The following HDAC9 variants were observed in gnomAD, a reference collection of about 807,000 sequenced individuals.
HDAC9 encodes MEF-2 interacting transcription repressor (MITR) protein.
A neutral mutation model predicts 139.4 loss-of-function variants in HDAC9; 41 were observed. The observed-to-expected ratio is 0.29, with a 90% CI of 0.23 to 0.38. HDAC9 has a LOEUF of 0.38. Among genes scored for constraint, HDAC9 ranks in the 10% least tolerant of loss-of-function variants. HDAC9 has a pLI of 1.00. For synonymous variants in HDAC9, 517 were observed against 476.2 expected (o/e 1.09, Z -1.12); for missense variants, 1,147 against 1,297.0 (o/e 0.88, Z 1.78).
chr7:18,635,859 G>C (rs1283296590), intron 8 of HDAC9, among the ~76,000 whole-genome samples: 1 of 152,032 alleles, frequency 6.6e-6, no homozygotes, highest in Non-Finnish European at 1.5e-5. Flanking sequence ...TCACTTCACT[G>C]TCTCCTGAGG....
intron 11 of HDAC9, among the ~76,000 whole-genome samples, chr7:18,653,822 C>T (rs1790167398): frequency 1.3e-5 from 2 of 152,084 alleles, no homozygotes; most frequent in Non-Finnish European, 2.9e-5. Context: ...TGAGTAGTAT[C>T]TGTATTATTC....
chr7:18,597,423 CTT>C (rs1207666823), intron 6 of HDAC9, among the ~76,000 whole-genome samples: 1 of 152,066 alleles, frequency 6.6e-6, no homozygotes, highest in Non-Finnish European at 1.5e-5. Context: ...TAAACTTATA[CTT>C]TGGCTGAAAA....
chr7:18,823,422 C>A (rs1795135095), intron 17 of HDAC9, among the ~76,000 whole-genome samples: 1 of 152,154 alleles, frequency 6.6e-6, no homozygotes, highest in Non-Finnish European at 1.5e-5. Context: ...TGAATTTAGA[C>A]AAGTCATGTG....
chr7:18,590,795 G>A (rs1437661557), intron 4 of HDAC9, among the ~76,000 whole-genome samples: 8 of 152,104 alleles, frequency 5.3e-5, no homozygotes, highest in African/African-American at 1.2e-4. Flanking sequence ...TTAATAATCA[G>A]CTTGTATCCA....
Position 18,793,359 on chromosome 7 carries a change from C to G in HDAC9, c.2229C>G (p.Thr743=), listed in dbSNP as rs1021943465. ...PCGGLGVDSD[T]IWNELHSSGA... ...TGTTTGCTCAGGTGGACAGTGACAC[C>G]ATTTGGAATGAGCTACACTCGTCCG... is the stretch of plus-strand genomic sequence containing the variant. Residue 743 remains threonine (T), a synonymous_variant, in exon 17 of 26, where the codon ACC becomes ACG. Transcript: ENST00000686413. 1 of 1,576,004 alleles carries G rather than the reference C, an allele frequency of 6.3e-7. No homozygotes were observed. The highest frequency in any genetic ancestry group is 8.6e-7 in the Non-Finnish European group (1 of 1,160,382).
chr7:18,216,722 T>C (rs1792341112), intron 2 of HDAC9, among the ~76,000 whole-genome samples: 1 of 152,200 alleles, frequency 6.6e-6, no homozygotes, highest in Non-Finnish European at 1.5e-5. Flanking sequence ...TTTAATATGC[T>C]GTTGGGTTTG....
intron 6 of HDAC9, among the ~76,000 whole-genome samples, chr7:18,596,187 A>G (rs1333241149): frequency 1.3e-5 from 2 of 152,122 alleles, no homozygotes; most frequent in African/African-American, 4.8e-5. Flanking sequence ...GTAAAACCAA[A>G]CATTTTCAAG....
chr7:18,804,713 A>G (rs1029935904), intron 17 of HDAC9, among the ~76,000 whole-genome samples: 27 of 152,242 alleles, frequency 1.8e-4, no homozygotes, highest in African/African-American at 6.5e-4. Flanking sequence ...TAAAACAGCC[A>G]AAGAAGACTG....
intron 21 of HDAC9, among the ~76,000 whole-genome samples, chr7:18,858,648 A>G (rs1255322862): frequency 6.6e-6 from 1 of 152,176 alleles, no homozygotes; most frequent in Non-Finnish European, 1.5e-5. Flanking sequence ...AATTGCTTTC[A>G]TGCTAATCCA....
chr7:18,400,396 A>G (rs916532647), intron 1 of HDAC9, among the ~76,000 whole-genome samples: 10 of 152,186 alleles, frequency 6.6e-5, no homozygotes, highest in Admixed American at 5.9e-4. Flanking sequence ...ATGTTTTACT[A>G]CAATACTGAA....
chr7:18,991,098 A>G (rs1358885456), intron 25 of HDAC9, among the ~76,000 whole-genome samples: 4 of 152,170 alleles, frequency 2.6e-5, no homozygotes, highest in African/African-American at 9.7e-5. Context: ...GCAAATTCTT[A>G]TTTTGTTCTT....
intron 25 of HDAC9, among the ~76,000 whole-genome samples, chr7:18,981,358 G>A (rs1033846415): frequency 1.3e-5 from 2 of 152,196 alleles, no homozygotes; most frequent in Non-Finnish European, 2.9e-5. Context: ...GGATCACAAA[G>A]CTGCCTTGTA....
chr7:18,935,427 C>T (rs962684166), intron 22 of HDAC9, among the ~76,000 whole-genome samples: 3 of 151,856 alleles, frequency 2.0e-5, no homozygotes, highest in African/African-American at 4.8e-5. Context: ...TAATAAAGGC[C>T]ATTGATAGCG....
At chr7:18,156,377 TG>T (rs1198763417) in intron 1 of HDAC9, among the ~76,000 whole-genome samples, 2 of 152,330 alleles carry the variant, frequency 1.3e-5, no homozygotes, top group South Asian at 2.1e-4. Context: ...CCATCCCACC[TG>T]GGTTTGCCCT....
At chr7:18,732,518 CTG>C (rs1015433381) in intron 13 of HDAC9, among the ~76,000 whole-genome samples, 10 of 143,684 alleles carry the variant, frequency 7.0e-5, no homozygotes, top group Admixed American at 6.3e-4. Context: ...CATATATACA[CTG>C]TATGTATGTG....
intron 1 of HDAC9, 25 bp downstream of exon 1, chr7:18,496,048 A>G (rs553860088): frequency 1.4e-6 from 2 of 1,439,382 alleles, no homozygotes; most frequent in Non-Finnish European, 1.8e-6. Flanking sequence ...AAAAGTGTCC[A>G]GGTCTTTTTA....
chr7:18,250,285 G>T (rs1794836342), intron 2 of HDAC9, among the ~76,000 whole-genome samples: 1 of 152,192 alleles, frequency 6.6e-6, no homozygotes, highest in Middle Eastern at 3.2e-3. Flanking sequence ...ACAGAAATTA[G>T]TGTCTCAGTA....
intron 25 of HDAC9, among the ~76,000 whole-genome samples, chr7:18,983,904 G>C (rs558524179): frequency 6.6e-6 from 1 of 152,090 alleles, no homozygotes; most frequent in East Asian, 1.9e-4. Context: ...TGTTTATCCT[G>C]TCCTCTACCT....
chr7:18,311,196 T>C (rs952760349), intron 1 of HDAC9, among the ~76,000 whole-genome samples: 5 of 152,108 alleles, frequency 3.3e-5, no homozygotes, highest in African/African-American at 9.7e-5. Context: ...AACAGTGTTC[T>C]AAGTATTTTA....
Sources: gnomAD v4.1 joint callset for allele counts (sites outside exome capture counted in the v4.1 genomes callset) on GRCh38, gnomAD v4.1.1 for gene constraint, MANE v1.5 for transcripts, NCBI Gene and HGNC (gene_info 2026-07-23, HGNC 2026-07-21) for gene names.